The following GAA variants were observed in gnomAD, a reference collection of about 807,000 sequenced individuals.
GAA encodes the protein alpha glucosidase, also known as lysosomal alpha-glucosidase.
Under a neutral mutation model 103.9 loss-of-function variants are expected in GAA, and 88 were observed. The ratio of observed to expected loss-of-function variants is 0.85; its 90% confidence interval spans 0.71 to 1.01. GAA has a LOEUF of 1.01. Among genes scored for constraint, GAA ranks in the 50% least tolerant of loss-of-function variants. The pLI, the probability that GAA is intolerant of heterozygous loss-of-function variation, is 0.00. For missense variants in GAA, 1,350 were observed against 1,305.3 expected (o/e 1.03, Z -0.53); for synonymous variants, 572 against 563.1 (o/e 1.02, Z -0.22).
chr17:80,115,946 C>G (rs2039345666), intron 15 of GAA, among the ~76,000 whole-genome samples: 1 of 152,212 alleles, frequency 6.6e-6, no homozygotes, highest in Non-Finnish European at 1.5e-5. Flanking sequence ...TCTTGCTGTT[C>G]TTACAAAGAT....
At chr17:80,111,845 C>A (rs185604303) in intron 11 of GAA, 138 bp from the exon 12 acceptor site, 1 of 674,106 alleles carries the variant, frequency 1.5e-6, no homozygotes, top group African/African-American at 1.8e-5. Context: ...GCGTGGGGAG[C>A]GGCTGCAGGT....
Position 80,104,591 on chromosome 17 carries a change from G to A in GAA, c.5G>A (p.Gly2Glu), listed in dbSNP as rs1245992455. 3 of 1,610,160 alleles carry A rather than the reference G, an allele frequency of 1.9e-6. No individual in the cohort carries two copies. Among genetic ancestry groups the A allele is most frequent in the Non-Finnish European group, 2.5e-6 (3 of 1,178,712 alleles). The change falls in exon 2 of 20, where the codon GGA becomes GAA. Residue 2 changes from glycine to glutamate, a missense_variant. Physicochemically the swap from Gly to Glu is moderately conservative, Grantham distance 98. Coordinates refer to ENST00000302262, the MANE Select transcript of GAA (RefSeq NM_000152.5). This position sits in a 1 kb window ranked among gnomAD's most constrained non-coding sequence, Gnocchi z 4.0. ...CTGTCCAGGCCATCTCCAACCATGG[G>A]AGTGAGGCACCCGCCCTGCTCCCAC... M[G>E]VRHPPCSHRL...
At chr17:80,116,264 C>T (rs1794987322) in intron 15 of GAA, among the ~76,000 whole-genome samples, 2 of 152,206 alleles carry the variant, frequency 1.3e-5, no homozygotes, top group Admixed American at 1.3e-4. Context: ...TAAATTGGCA[C>T]ATTTGTGGAA....
Position 80,112,857 on chromosome 17 carries a change from C to T in GAA, c.1889-19C>T. ...TCTGCTGCAGCAGCCTGAGGACCAG[C>T]CTGACTCTGCCCTCCCAGAAATCCT... On this transcript the variant is annotated intron_variant, in intron 13 of 19. Coordinates refer to ENST00000302262, the MANE Select transcript of GAA (RefSeq NM_000152.5). The T allele has an allele frequency of 6.2e-7, 1 of 1,602,482 alleles. No individual in the cohort carries two copies. The highest frequency in any genetic ancestry group is 1.3e-5 in the African/African-American group (1 of 74,936).
chr17:80,118,174 CGT>C lies in GAA; in HGVS notation c.2482-16_2482-15del. 1 of 1,612,476 alleles carries C rather than the reference CGT, an allele frequency of 6.2e-7. No homozygotes were observed. The highest frequency in any genetic ancestry group is 1.1e-5 in the South Asian group (1 of 90,972). On this transcript the variant is annotated splice_polypyrimidine_tract_variant and intron_variant, in intron 17 of 19. Coordinates refer to ENST00000302262, the MANE Select transcript of GAA (RefSeq NM_000152.5). ...CACCAGGGTGGGGATGATGACATCA[CGT>C]GTCCTTCCCTTTCCAGGGCCCTGGC...
intron 1 of GAA, among the ~76,000 whole-genome samples, chr17:80,103,502 G>A (rs2039001326): frequency 6.6e-6 from 1 of 152,174 alleles, no homozygotes; most frequent in South Asian, 2.1e-4. Flanking sequence ...TGAATCGCAT[G>A]TGGGTTCCGG....
At chr17:80,115,789 G>A (rs1241567480) in intron 15 of GAA, among the ~76,000 whole-genome samples, 1 of 152,126 alleles carries the variant, frequency 6.6e-6, no homozygotes. Flanking sequence ...GTTCTTCATT[G>A]TGTGTGGCCA....
At chr17:80,117,805 G>A (rs2039391346) in intron 17 of GAA, 56 bp downstream of exon 17, 2 of 1,527,578 alleles carry the variant, frequency 1.3e-6, no homozygotes, top group Non-Finnish European at 1.8e-6. Flanking sequence ...CAGAGCTGGG[G>A]GAGGCACAGG....
In GAA at chr17:80,112,599, G is replaced by T; in HGVS notation, c.1776G>T (p.Gly592=). The T allele has an allele frequency of 6.2e-7, 1 of 1,613,006 alleles. No homozygotes were observed. Among genetic ancestry groups the T allele is most frequent in the Non-Finnish European group, 8.5e-7 (1 of 1,179,964 alleles). The part of the protein sequence containing the change: ...ASHRALVKAR[G]TRPFVISRST... Reference sequence around the variant, plus strand: ...CCAGGGCGCTGGTGAAGGCTCGGGGGACACGCCCATTTGTGATCTCCCGCT... The same window carrying T: ...CCAGGGCGCTGGTGAAGGCTCGGGGTACACGCCCATTTGTGATCTCCCGCT... The change falls in exon 13 of 20, where the codon GGG becomes GGT. Residue 592 remains glycine, a synonymous_variant. Coordinates refer to ENST00000302262, the MANE Select transcript of GAA (RefSeq NM_000152.5).
intron 9 of GAA, among the ~76,000 whole-genome samples, chr17:80,110,414 C>G (rs1045673932): frequency 3.9e-5 from 6 of 152,196 alleles, no homozygotes; most frequent in Non-Finnish European, 5.9e-5. Flanking sequence ...GTGAGGCTGC[C>G]TGGCAGGGCT....
In GAA at chr17:80,105,686, C is replaced by T. The variant is rs561321104; in HGVS notation, c.547-63C>T. 3.5e-5 allele frequency: 56 copies of T among 1,589,304 alleles called. 1 individual carries two copies. The South Asian group carries it at 4.9e-4, about 14-fold the overall frequency. On this transcript the variant is annotated intron_variant, in intron 2 of 19. Coordinates refer to ENST00000302262, the MANE Select transcript of GAA (RefSeq NM_000152.5). ...CAGGACCTGACCTGTCCTTGGCGTGCGGGTTGTTCTCTGGAGAGTAAGGTG... is the reference window on the plus strand; with the variant it reads ...CAGGACCTGACCTGTCCTTGGCGTGTGGGTTGTTCTCTGGAGAGTAAGGTG...
In GAA at chr17:80,104,685, T is replaced by C. The variant is rs144736309; in HGVS notation, c.99T>C (p.His33=). The C allele has an allele frequency of 3.7e-6, 6 of 1,613,144 alleles. No individual in the cohort carries two copies. The highest frequency in any genetic ancestry group is 1.6e-4 in the Middle Eastern group (1 of 6,084). The change falls in exon 2 of 20, where the codon CAT becomes CAC. Residue 33 remains histidine, a synonymous_variant. Transcript: ENST00000302262. This position sits in a 1 kb window ranked among gnomAD's most constrained non-coding sequence, Gnocchi z 4.0. ...CACTCCTGGGGCACATCCTACTCCA[T>C]GATTTCCTGCTGGTTCCCCGAGAGC... ...TAALLGHILL[H]DFLLVPRELS... is the part of the protein sequence containing the mutation.
rs776325453 is a variant in GAA at position 80,112,712 on chromosome 17, G to A, written c.1888+1G>A. On this transcript the variant is annotated splice_donor_variant, in intron 13 of 19. Coordinates refer to ENST00000302262, the MANE Select transcript of GAA (RefSeq NM_000152.5). LOFTEE classifies it high-confidence loss of function. ...GAGCAGCTCGCCTCCTCCGTGCCAG[G>A]TGAGCTCCTACCAGGAGGGGCTGCT... The A allele has an allele frequency of 2.5e-6, 4 of 1,606,040 alleles. No homozygotes were observed. The highest frequency in any genetic ancestry group is 1.7e-5 in the Admixed American group (1 of 58,872).
chr17:80,105,622 A>G, intron 2 of GAA, 127 bp from the exon 3 acceptor site: 1 of 1,145,724 alleles, frequency 8.7e-7, no homozygotes, highest in Non-Finnish European at 1.3e-6. Context: ...GAGAGGCTGA[A>G]TGTGCTGCCC....
Position 80,112,811 on chromosome 17 carries a change from G to A in GAA, c.1889-65G>A, listed in dbSNP as rs1475095889. 3.2e-6 allele frequency: 5 copies of A among 1,581,632 alleles called. No individual in the cohort carries two copies. In the South Asian group the frequency reaches 4.6e-5, roughly 14 times the overall value. ...CACCCACTTAGCAGGTGGGGCTCTG[G>A]GTCACTTGGCCTGAGCTGGCTCTGC... On this transcript the variant is annotated intron_variant, in intron 13 of 19. Transcript: ENST00000302262.
At chr17:80,108,011 G>A (rs1178576615) in intron 5 of GAA, 115 bp downstream of exon 5, 9 of 1,126,286 alleles carry the variant, frequency 8.0e-6, no homozygotes, top group Non-Finnish European at 1.2e-5. Context: ...GTGTTTTCTG[G>A]GAAATGAGTC....
At chr17:80,107,973 A>AG (rs1371793817) in intron 5 of GAA, 77 bp downstream of exon 5, 6 of 1,379,234 alleles carry the variant, frequency 4.4e-6, no homozygotes, top group Non-Finnish European at 6.1e-6. Flanking sequence ...GGTCCGCATG[A>AG]GGGGCCCTGG....
rs1467502131 is a variant in GAA at position 80,119,602 on chromosome 17, C to T, written c.*271C>T. The T allele has an allele frequency of 2.1e-6, 1 of 469,338 alleles. No individual in the cohort carries two copies. Among genetic ancestry groups the T allele is most frequent in the Non-Finnish European group, 3.9e-6 (1 of 253,168 alleles). The allele number at this position is 469,338 out of a possible 1,614,324, so 29.1% of individuals were successfully genotyped here. On this transcript the variant is annotated 3_prime_UTR_variant, in exon 20 of 20. Transcript: ENST00000302262. ...TGTTAATAAGATTGTAAGGTTTGCC[C>T]TCCTCACCTGTTGCCGGCATGCGGG...
intron 15 of GAA, among the ~76,000 whole-genome samples, chr17:80,114,689 C>T (rs921837698): frequency 1.3e-5 from 2 of 152,172 alleles, no homozygotes; most frequent in African/African-American, 2.4e-5. Context: ...TACATACACA[C>T]TGTCTGCCTT....
Sources: allele counts gnomAD v4.1 joint callset (sites outside exome capture counted in the v4.1 genomes callset), GRCh38; gene constraint gnomAD v4.1.1; non-coding constraint Gnocchi (gnomAD v3.1); transcripts MANE v1.5; gene names NCBI Gene and HGNC (gene_info 2026-07-23, HGNC 2026-07-21).